The following RBM19 variants were observed in gnomAD, a reference collection of about 807,000 sequenced individuals.
RBM19 encodes RNA binding motif protein 19.
RBM19 carries 94 observed loss-of-function variants against 116.8 expected under a neutral mutation model. The ratio of observed to expected loss-of-function variants is 0.80; its 90% confidence interval spans 0.68 to 0.95. The LOEUF is 0.95. Ranked by LOEUF, RBM19 falls within the 40% of genes least tolerant of loss-of-function variation. RBM19 has a pLI of 0.00. For missense variants in RBM19, 1,161 were observed against 1,220.7 expected, an observed-to-expected ratio of 0.95 and a Z score of 0.73; for synonymous variants, 475 against 494.1, an observed-to-expected ratio of 0.96 and a Z score of 0.51.
At chr12:113,830,570 C>CGG (rs869235673) in intron 23 of RBM19, among the ~76,000 whole-genome samples, 949 of 7,770 alleles carry the variant, frequency 0.12, 124 homozygotes, top group Non-Finnish European at 0.16. Flanking sequence ...GCTAGGGCTG[C>CGG]GGGGCGGGGG....
rs559697043 is a variant in RBM19, at chr12:113,909,318, G to C, written c.2558+5651C>G. Among the ~76,000 whole-genome samples, 7 of 152,184 alleles carry C rather than the reference G, an allele frequency of 4.6e-5. No homozygotes were observed. In the East Asian group the frequency reaches 1.4e-3, roughly 29 times the overall value. On this transcript the variant is annotated intron_variant, in intron 21 of 23. Transcript: ENST00000261741. ...GTATTTGTTGTAGAGATGGGGTCTT[G>C]CTATGTTGTCCAGCATAGTCTCGAA...
chr12:113,946,633 T>C (rs1012008218), intron 11 of RBM19, among the ~76,000 whole-genome samples, 158 bp from the exon 12 acceptor site: 1 of 152,196 alleles, frequency 6.6e-6, no homozygotes, highest in Non-Finnish European at 1.5e-5. Context: ...GGCCACTCTC[T>C]TCCCACCTGA....
At position 113,942,529 on chromosome 12, in the gene RBM19, G is replaced by A. The variant is rs1028983290; in HGVS notation, c.1627-95C>T. The stretch of plus-strand genomic sequence containing the variant: ...AACAGCCTGAAGAGGAGGCTGGGAT[G>A]GAAATGGATTCCACGGATGCCGCTC... On this transcript the variant is annotated intron_variant, in intron 13 of 23. Transcript: ENST00000261741. The A allele has an allele frequency of 1.3e-5, 13 of 985,696 alleles. No homozygotes were observed. The African/African-American group carries it at 1.5e-4, about 11-fold the overall frequency. 61.1% of individuals were successfully genotyped at this position (985,696 alleles called of 1,614,324 possible).
intron 22 of RBM19, among the ~76,000 whole-genome samples, chr12:113,854,931 C>T (rs1030584669): frequency 7.9e-5 from 12 of 152,240 alleles, no homozygotes; most frequent in Admixed American, 3.3e-4. Flanking sequence ...AAAGCCAGCG[C>T]GCTCGCGGGA....
chr12:113,840,695 C>T (rs1206169103), intron 23 of RBM19, among the ~76,000 whole-genome samples: 1 of 152,200 alleles, frequency 6.6e-6, no homozygotes, highest in Non-Finnish European at 1.5e-5. Context: ...GCCCCTTCTT[C>T]CTGCTTTGCT....
At chr12:113,934,870 G>A (rs1412990773) in intron 16 of RBM19, among the ~76,000 whole-genome samples, 1 of 151,978 alleles carries the variant, frequency 6.6e-6, no homozygotes, top group Admixed American at 6.6e-5. Flanking sequence ...AATATGACCC[G>A]GCCTCATCTT....
chr12:113,842,028 C>T (rs1260563207), intron 23 of RBM19, among the ~76,000 whole-genome samples: 1 of 152,220 alleles, frequency 6.6e-6, no homozygotes, highest in East Asian at 1.9e-4. Flanking sequence ...TCTCATAGAG[C>T]TGCTAGGGAG....
intron 6 of RBM19, among the ~76,000 whole-genome samples, chr12:113,955,896 G>C (rs922528488): frequency 6.6e-6 from 1 of 152,212 alleles, no homozygotes; most frequent in Non-Finnish European, 1.5e-5. Context: ...GCAGAGGGGA[G>C]TGAGCCCTGC....
At chr12:113,928,414 G>GCAAACACACACA (rs1363722576) in intron 16 of RBM19, among the ~76,000 whole-genome samples, 1 of 44,008 alleles carries the variant, frequency 2.3e-5, no homozygotes, top group African/African-American at 8.0e-5. Context: ...ACATACATGT[G>GCAAACACACACA]CATACACACA....
chr12:113,953,504 A>G (rs888700345), intron 7 of RBM19, among the ~76,000 whole-genome samples: 1 of 152,180 alleles, frequency 6.6e-6, no homozygotes, highest in Admixed American at 6.5e-5. Flanking sequence ...AACAATGACA[A>G]CAAGATATAC....
Position 113,844,791 on chromosome 12 carries a change from G to A in RBM19, c.2665-3C>T. 2 of 1,608,018 alleles carry A rather than the reference G, an allele frequency of 1.2e-6. No individual in the cohort carries two copies. The highest frequency in any genetic ancestry group is 1.7e-6 in the Non-Finnish European group (2 of 1,176,450). ...TGACACAGGGCGTTGAAGGCTCTCT[G>A]CAGAGGGACAAGAAACGAAACTGCA... On this transcript the variant is annotated splice_region_variant and splice_polypyrimidine_tract_variant and intron_variant, in intron 22 of 23. Coordinates refer to ENST00000261741, the MANE Select transcript of RBM19 (RefSeq NM_016196.4).
intron 16 of RBM19, among the ~76,000 whole-genome samples, chr12:113,927,616 A>C (rs1869223198): frequency 6.6e-6 from 1 of 152,112 alleles, no homozygotes; most frequent in Admixed American, 6.5e-5. Context: ...AAAAAAAAAA[A>C]AACCAGCACT....
At chr12:113,962,080 T>C (rs1872544823) in intron 2 of RBM19, 152 bp downstream of exon 2, 2 of 930,402 alleles carry the variant, frequency 2.1e-6, no homozygotes, top group Non-Finnish European at 3.2e-6. Context: ...TCAGGTGATT[T>C]GTATGCACAT....
chr12:113,942,326 G>A lies in RBM19; in HGVS notation c.1735C>T (p.Gln579Ter). Residue 579 changes from glutamine to a stop codon, truncating the protein, a stop_gained and splice_region_variant, in exon 14 of 24, where the codon CAG becomes TAG. Transcript: ENST00000261741. LOFTEE classifies it high-confidence loss of function. The part of the protein sequence containing the change: ...DNGVSLDSFS[Q>*]AAAERSKTVI... Reference sequence around the variant, plus strand: ...CTGGCGCCACCGAGAACACCCACCTGGCTGAAGGAATCCAGGCTGACCCCG... The same window carrying A: ...CTGGCGCCACCGAGAACACCCACCTAGCTGAAGGAATCCAGGCTGACCCCG... The A allele has an allele frequency of 1.9e-6, 3 of 1,604,258 alleles. No homozygotes were observed. The African/African-American group carries it at 4.0e-5, about 21-fold the overall frequency.
chr12:113,827,525 CG>C (rs536821782), intron 23 of RBM19, among the ~76,000 whole-genome samples: 20 of 5,776 alleles, frequency 3.5e-3, no homozygotes, highest in Middle Eastern at 0.056. Context: ...GGCGGGGGGG[CG>C]GGGGGGTGCG....
chr12:113,962,210 G>T lies in RBM19; in HGVS notation c.219+22C>A, dbSNP rs745451902. The T allele has an allele frequency of 3.7e-6, 6 of 1,612,238 alleles. No homozygotes were observed. In the South Asian group the frequency reaches 5.5e-5, roughly 15 times the overall value. ...ACGTCACACTTGACAGGAAGGTAAG[G>T]GTGAGACTCCTGCCCACTCACTGTG... On this transcript the variant is annotated intron_variant, in intron 2 of 23. Coordinates refer to ENST00000261741, the MANE Select transcript of RBM19 (RefSeq NM_016196.4).
At chr12:113,828,090 ACT>A (rs1377988815) in intron 23 of RBM19, among the ~76,000 whole-genome samples, 1 of 125,056 alleles carries the variant, frequency 8.0e-6, no homozygotes, top group Non-Finnish European at 1.6e-5. Flanking sequence ...GCAGCTCTCG[ACT>A]CTGTCTCAAA....
chr12:113,851,000 C>T lies in RBM19; in HGVS notation c.2665-6212G>A, dbSNP rs61472751. 3.0e-3 allele frequency among the ~76,000 whole-genome samples: 459 copies of T among 152,308 alleles called. 5 individuals are homozygous for T. Among genetic ancestry groups the T allele is most frequent in the African/African-American group, 0.01 (427 of 41,560 alleles). ...CCCTGGGGTGTTTTAACGCCATCAC[C>T]CTGAGAGAGAGATAGATCCTTTCCT... On this transcript the variant is annotated intron_variant, in intron 22 of 23. Coordinates refer to ENST00000261741, the MANE Select transcript of RBM19 (RefSeq NM_016196.4).
At chr12:113,912,981 A>G (rs1441402011) in intron 21 of RBM19, among the ~76,000 whole-genome samples, 1 of 152,184 alleles carries the variant, frequency 6.6e-6, no homozygotes, top group South Asian at 2.1e-4. Context: ...TTACGTTTCC[A>G]GGGTTTTAAG....
Sources: gnomAD v4.1 joint callset for allele counts (sites outside exome capture counted in the v4.1 genomes callset) on GRCh38, gnomAD v4.1.1 for gene constraint, MANE v1.5 for transcripts, NCBI Gene and HGNC (gene_info 2026-07-23, HGNC 2026-07-21) for gene names.